ZMIZ1: variants seen among roughly 807,000 people sequenced by gnomAD.
ZMIZ1 encodes the protein zinc finger MIZ-type containing 1.
A neutral mutation model predicts 113.9 loss-of-function variants in ZMIZ1; 17 were observed. The observed-to-expected ratio is 0.15, with a 90% CI of 0.10 to 0.22. ZMIZ1 has a LOEUF of 0.22. Among genes scored for constraint, ZMIZ1 ranks in the 10% least tolerant of loss-of-function variants. ZMIZ1 has a pLI of 1.00. For missense variants in ZMIZ1, 1,059 were observed against 1,477.8 expected (o/e 0.72, Z 4.65); for synonymous variants, 607 against 603.1 (o/e 1.01, Z -0.09).
intron 7 of ZMIZ1, among the ~76,000 whole-genome samples, chr10:79,256,990 G>A (rs1323593926): frequency 6.6e-6 from 1 of 152,250 alleles, no homozygotes; most frequent in Non-Finnish European, 1.5e-5. Flanking sequence ...TTCTATGTGA[G>A]TGCTTCTTCC....
At chr10:79,133,148 CTT>C (rs1382309218) in intron 2 of ZMIZ1, among the ~76,000 whole-genome samples, 2 of 152,236 alleles carry the variant, frequency 1.3e-5, no homozygotes, top group Non-Finnish European at 2.9e-5. Context: ...CTAGTACACT[CTT>C]TTCCTGCAGT....
intron 3 of ZMIZ1, among the ~76,000 whole-genome samples, chr10:79,155,396 T>C (rs952549641): frequency 6.6e-6 from 1 of 152,192 alleles, no homozygotes; most frequent in Non-Finnish European, 1.5e-5. Context: ...CCTGAGTCAT[T>C]TGTTTCTGAA....
Position 79,197,679 on chromosome 10 carries a change from G to C in ZMIZ1, c.-49-3905G>C, listed in dbSNP as rs530711327. ...TCCCCTCCCCAGGACCTGTTCAAGA[G>C]TAAAAACTGTAAAGGGAAAGCCAGG... On this transcript the variant is annotated intron_variant, in intron 4 of 24. Transcript: ENST00000334512. Among the ~76,000 whole-genome samples, 43 of 151,380 alleles carry C rather than the reference G, an allele frequency of 2.8e-4. 1 individual carries two copies. The highest frequency in any genetic ancestry group is 1.0e-3 in the African/African-American group (42 of 41,204).
At position 79,189,211 on chromosome 10, in the gene ZMIZ1, C is replaced by G. The variant is rs143376093; in HGVS notation, c.-49-12373C>G. ...CCCTCCAGCTCCTCAACCTGGCATT[C>G]TGGCCAATGGCATGGGACCCCTGCC... is the stretch of plus-strand genomic sequence containing the variant. On this transcript the variant is annotated intron_variant, in intron 4 of 24. Transcript: ENST00000334512. Among the ~76,000 whole-genome samples the G allele has an allele frequency of 4.6e-5, 7 of 152,364 alleles. No homozygotes were observed. The East Asian group carries it at 1.3e-3, about 29-fold the overall frequency.
intron 8 of ZMIZ1, among the ~76,000 whole-genome samples, chr10:79,287,388 G>T (rs1012255022): frequency 9.9e-5 from 15 of 152,238 alleles, no homozygotes; most frequent in Non-Finnish European, 1.5e-5. Context: ...CCATCATTGT[G>T]CCTGGCCAAC....
intron 4 of ZMIZ1, among the ~76,000 whole-genome samples, chr10:79,189,122 T>G (rs569860069): frequency 3.3e-5 from 5 of 152,262 alleles, no homozygotes; most frequent in Non-Finnish European, 5.9e-5. Flanking sequence ...GTCCGAAAGC[T>G]CCTTCCCTAA....
Position 79,265,814 on chromosome 10 carries a change from A to T in ZMIZ1, c.281-11367A>T, listed in dbSNP as rs115408074. Among the ~76,000 whole-genome samples, 834 of 152,056 alleles carry T rather than the reference A, an allele frequency of 5.5e-3. 6 individuals carry two copies. The highest frequency in any genetic ancestry group is 0.019 in the African/African-American group (794 of 41,464). The stretch of plus-strand genomic sequence containing the variant: ...CTCCCCACCCATCCACTCTCCTAGG[A>T]CCCTGTCACCCTCAGAGTCCTGCAA... On this transcript the variant is annotated intron_variant, in intron 7 of 24. Transcript: ENST00000334512.
chr10:79,102,316 C>T (rs558194523), intron 1 of ZMIZ1, among the ~76,000 whole-genome samples: 1 of 152,352 alleles, frequency 6.6e-6, no homozygotes, highest in African/African-American at 2.4e-5. Context: ...TATTTTTAGC[C>T]TTCAGAGGGC....
At chr10:79,197,530 G>T (rs911417751) in intron 4 of ZMIZ1, among the ~76,000 whole-genome samples, 1 of 151,696 alleles carries the variant, frequency 6.6e-6, no homozygotes, top group Non-Finnish European at 1.5e-5. Flanking sequence ...TACAGCTCCC[G>T]CTTGGGTGAC....
intron 7 of ZMIZ1, among the ~76,000 whole-genome samples, chr10:79,249,095 C>T (rs1388719882): frequency 1.3e-5 from 2 of 152,168 alleles, no homozygotes; most frequent in Admixed American, 6.5e-5. Context: ...AAATGGGGGG[C>T]ATGTTTCAGA....
intron 4 of ZMIZ1, among the ~76,000 whole-genome samples, chr10:79,183,163 G>C (rs1362276500): frequency 3.9e-5 from 6 of 152,260 alleles, no homozygotes; most frequent in Admixed American, 3.9e-4. Context: ...AGGCCCCATG[G>C]TGCAGGGAGC....
intron 1 of ZMIZ1, among the ~76,000 whole-genome samples, chr10:79,111,259 C>T (rs937838816): frequency 4.6e-5 from 7 of 152,130 alleles, no homozygotes; most frequent in Non-Finnish European, 7.4e-5. Flanking sequence ...TAGACACAGC[C>T]GGGTCTGCAG....
At chr10:79,305,058 G>T in intron 19 of ZMIZ1, 106 bp from the exon 20 acceptor site, 1 of 1,308,818 alleles carries the variant, frequency 7.6e-7, no homozygotes, top group Non-Finnish European at 1.1e-6. Flanking sequence ...TTCTCCCACA[G>T]CCTATCTTTC....
At chr10:79,095,421 C>T (rs1470245333) in intron 1 of ZMIZ1, among the ~76,000 whole-genome samples, 2 of 152,216 alleles carry the variant, frequency 1.3e-5, no homozygotes, top group Non-Finnish European at 2.9e-5. Flanking sequence ...CTTCCAGGCC[C>T]ACTTCTTTAC....
chr10:79,274,518 G>A (rs548864148), intron 7 of ZMIZ1, among the ~76,000 whole-genome samples: 7 of 152,298 alleles, frequency 4.6e-5, no homozygotes, highest in African/African-American at 1.7e-4. Context: ...TTTTGGCTGC[G>A]AATTCCCGGG....
chr10:79,311,260 GT>G, intron 24 of ZMIZ1, 76 bp downstream of exon 24: 1 of 1,401,898 alleles, frequency 7.1e-7, no homozygotes, highest in Non-Finnish European at 9.4e-7. Context: ...AGGGGTGGGT[GT>G]GAGGGCTCGA....
intron 7 of ZMIZ1, among the ~76,000 whole-genome samples, chr10:79,256,729 C>G (rs1465192880): frequency 6.6e-6 from 1 of 152,204 alleles, no homozygotes; most frequent in African/African-American, 2.4e-5. Flanking sequence ...TCTCCAGGGT[C>G]AGGCTGCTCT....
At chr10:79,217,187 G>T (rs964650341) in intron 7 of ZMIZ1, among the ~76,000 whole-genome samples, 1 of 152,244 alleles carries the variant, frequency 6.6e-6, no homozygotes, top group Non-Finnish European at 1.5e-5. Context: ...ACTTTGGGAG[G>T]CCGAGGCGAG....
chr10:79,302,303 C>T lies in ZMIZ1; in HGVS notation c.2125+91C>T, dbSNP rs1233113583. 1.7e-5 allele frequency: 23 copies of T among 1,333,120 alleles called. No homozygotes were observed. The East Asian group carries it at 4.4e-4, about 26-fold the overall frequency. The allele number at this position is 1,333,120 out of a possible 1,614,324, so 82.6% of individuals were successfully genotyped here. On this transcript the variant is annotated intron_variant, in intron 18 of 24. Coordinates refer to ENST00000334512, the MANE Select transcript of ZMIZ1 (RefSeq NM_020338.4). ...GCAGTCACCATTCACCTGGAACTGA[C>T]CTTTGCCTCCGTGCATGTCACCACC...
Sources: allele counts gnomAD v4.1 joint callset (sites outside exome capture counted in the v4.1 genomes callset), GRCh38; gene constraint gnomAD v4.1.1; transcripts MANE v1.5; gene names NCBI Gene and HGNC (gene_info 2026-07-23, HGNC 2026-07-21).